Variants in STARD5 observed in about 807,000 individuals in gnomAD.
STARD5 encodes the protein stAR-related lipid transfer protein 5.
In STARD5, 26 loss-of-function variants were observed where a neutral mutation model predicts 24.6. The ratio of observed to expected loss-of-function variants is 1.06; its 90% CI spans 0.77 to 1.47. The LOEUF (loss-of-function observed/expected upper bound fraction) is 1.47, where lower values mean the gene tolerates loss of function less well. Among genes scored for constraint, STARD5 ranks in the 40% most tolerant of loss-of-function variants. The pLI, the probability that STARD5 is intolerant of heterozygous loss-of-function variation, is 0.00. For missense variants in STARD5, 254 were observed against 270.8 expected, an observed-to-expected ratio of 0.94 and a Z score of 0.44; for synonymous variants, 101 against 99.7, an observed-to-expected ratio of 1.01 and a Z score of -0.07.
At chr15:81,316,143 C>T (rs1441937995) in intron 5 of STARD5, among the ~76,000 whole-genome samples, 3 of 152,154 alleles carry the variant, frequency 2.0e-5, no homozygotes, top group East Asian at 1.9e-4. Context: ...CCAGAATGCT[C>T]GCTCCACCAA....
intron 4 of STARD5, among the ~76,000 whole-genome samples, chr15:81,319,084 G>A (rs1043455914): frequency 1.3e-5 from 2 of 149,724 alleles, no homozygotes; most frequent in Non-Finnish European, 2.9e-5. Flanking sequence ...CACACCATGA[G>A]CTTCCGCAGG....
At chr15:81,317,197 A>AC (rs1231371816) in intron 5 of STARD5, among the ~76,000 whole-genome samples, 1 of 151,166 alleles carries the variant, frequency 6.6e-6, no homozygotes, top group Non-Finnish European at 1.5e-5. Flanking sequence ...TCCGTCTCAA[A>AC]AAAAAAAAAA....
Position 81,313,304 on chromosome 15 carries a change from G to C in STARD5, c.594C>G (p.Thr198=). 4 of 1,580,748 alleles carry C rather than the reference G, an allele frequency of 2.5e-6. No homozygotes were observed. Among genetic ancestry groups the C allele is most frequent in the Non-Finnish European group, 3.4e-6 (4 of 1,163,998 alleles). ...CTTTCTGAAGGTTGGCATAAAACCG[G>C]GTCATGCTGCGGGGGAAGAAGGAGT... is the stretch of plus-strand genomic sequence containing the variant. ...VVDSFFPRSM[T]RFYANLQKAV... is the part of the protein sequence containing the mutation. Residue 198 remains threonine (T), a synonymous_variant, in exon 6 of 6, where the codon ACC becomes ACG. Coordinates refer to ENST00000302824, the MANE Select transcript of STARD5 (RefSeq NM_181900.3).
intron 3 of STARD5, among the ~76,000 whole-genome samples, chr15:81,320,622 A>T (rs1901176627): frequency 6.6e-6 from 1 of 152,238 alleles, no homozygotes; most frequent in African/African-American, 2.4e-5. Context: ...ACACACTGGT[A>T]TTAGAATTTC....
chr15:81,323,786 A>T (rs1285200563), intron 1 of STARD5: 1 of 706,328 alleles, frequency 1.4e-6, no homozygotes, highest in Non-Finnish European at 2.4e-6. Context: ...ACTGAGTGAA[A>T]GGAACAGATA....
At chr15:81,319,784 T>G (rs1901159004) in intron 3 of STARD5, among the ~76,000 whole-genome samples, 1 of 152,206 alleles carries the variant, frequency 6.6e-6, no homozygotes, top group Non-Finnish European at 1.5e-5. Context: ...AGCTGTCCCT[T>G]ACCTTTAGAA....
At chr15:81,317,292 C>G (rs1901104934) in intron 5 of STARD5, among the ~76,000 whole-genome samples, 2 of 151,806 alleles carry the variant, frequency 1.3e-5, no homozygotes, top group African/African-American at 4.8e-5. Context: ...AAGAAGACAG[C>G]AATGGGATTC....
At chr15:81,318,545 G>T in intron 4 of STARD5, 43 bp from the exon 5 acceptor site, 5 of 1,570,326 alleles carry the variant, frequency 3.2e-6, no homozygotes, top group Non-Finnish European at 4.4e-6. Flanking sequence ...AACTTCAGAC[G>T]GTCAGGTCAC....
Position 81,310,438 on chromosome 15 carries a change from G to A in STARD5, c.*2818C>T, listed in dbSNP as rs1268199080. 1 of 152,152 alleles carries A rather than the reference G, an allele frequency of 6.6e-6. No homozygotes were observed. Among genetic ancestry groups the A allele is most frequent in the Non-Finnish European group, 1.5e-5 (1 of 68,036 alleles). 9.4% of individuals were successfully genotyped at this position (152,152 alleles called of 1,614,324 possible). A position where few individuals can be genotyped will look rare whatever the true frequency, so the allele number is the denominator to read the frequency against. On this transcript the variant is annotated 3_prime_UTR_variant, in exon 6 of 6. Coordinates refer to ENST00000302824, the MANE Select transcript of STARD5 (RefSeq NM_181900.3). ...GCTTAGAGCAGTTTCTGTCCTGCTG[G>A]TTAACTTGTTTGGCCTATTCCATTC...
chr15:81,317,271 A>G (rs1178296157), intron 5 of STARD5, among the ~76,000 whole-genome samples: 2 of 138,720 alleles, frequency 1.4e-5, no homozygotes, highest in Admixed American at 1.5e-4. Context: ...TATATTGTGC[A>G]TTCCACCAAA....
intron 4 of STARD5, 87 bp downstream of exon 4, chr15:81,319,252 C>T: frequency 8.2e-7 from 1 of 1,225,990 alleles, no homozygotes; most frequent in Admixed American, 1.7e-5. Context: ...TTTCTGGTTG[C>T]TTGGCTTTCC....
intron 5 of STARD5, among the ~76,000 whole-genome samples, chr15:81,316,118 CT>C (rs1901078198): frequency 6.6e-6 from 1 of 152,196 alleles, no homozygotes; most frequent in Non-Finnish European, 1.5e-5. Flanking sequence ...GACTTTGCAT[CT>C]GCTCATCCCC....
chr15:81,318,913 C>T lies in STARD5; in HGVS notation c.401-411G>A, dbSNP rs570363271. Among the ~76,000 whole-genome samples, 21 of 152,250 alleles carry T rather than the reference C, an allele frequency of 1.4e-4. No individual in the cohort carries two copies. In the South Asian group the frequency reaches 3.5e-3, roughly 26 times the overall value. ...GGCATGGATGCATCCAACTCTCCCGCGTAGAAGAATTGGAGGAATGGCAGG... is the reference window on the plus strand; with the variant it reads ...GGCATGGATGCATCCAACTCTCCCGTGTAGAAGAATTGGAGGAATGGCAGG... On this transcript the variant is annotated intron_variant, in intron 4 of 5. Coordinates refer to ENST00000302824, the MANE Select transcript of STARD5 (RefSeq NM_181900.3).
At chr15:81,314,908 A>C (rs4384571) in intron 5 of STARD5, among the ~76,000 whole-genome samples, 19,727 of 146,186 alleles carry the variant, frequency 0.13, 2,879 homozygotes, top group African/African-American at 0.36. Context: ...AAAAAAAAAA[A>C]AAAAAAAGAA....
chr15:81,316,046 C>T (rs1395689152), intron 5 of STARD5, among the ~76,000 whole-genome samples: 2 of 152,166 alleles, frequency 1.3e-5, no homozygotes, highest in Admixed American at 6.5e-5. Flanking sequence ...TAACACAACA[C>T]CTCCCTCTGT....
intron 3 of STARD5, 77 bp from the exon 4 acceptor site, chr15:81,319,533 T>G: frequency 1.5e-6 from 2 of 1,312,260 alleles, no homozygotes; most frequent in Non-Finnish European, 2.2e-6. Context: ...TCCCTCAAGG[T>G]CTGGGAAAGG....
At chr15:81,320,923 T>G (rs951632781) in intron 3 of STARD5, among the ~76,000 whole-genome samples, 4 of 152,192 alleles carry the variant, frequency 2.6e-5, no homozygotes, top group African/African-American at 9.7e-5. Flanking sequence ...TATCCATCCA[T>G]CCACCTATCA....
chr15:81,314,829 T>A (rs1901040396), intron 5 of STARD5, among the ~76,000 whole-genome samples: 1 of 139,758 alleles, frequency 7.2e-6, no homozygotes, highest in Admixed American at 8.2e-5. Flanking sequence ...GAGGTTGCAG[T>A]GAGCCGAGAT....
intron 4 of STARD5, 94 bp downstream of exon 4, chr15:81,319,245 C>T (rs1209369200): frequency 1.7e-6 from 2 of 1,144,016 alleles, no homozygotes; most frequent in Non-Finnish European, 2.6e-6. Context: ...CTGGTGATTT[C>T]TGGTTGCTTG....
Sources: gnomAD v4.1 joint callset for allele counts (sites outside exome capture counted in the v4.1 genomes callset) on GRCh38, gnomAD v4.1.1 for gene constraint, MANE v1.5 for transcripts, NCBI Gene and HGNC (gene_info 2026-07-23, HGNC 2026-07-21) for gene names.